Variants in SPTLC1 observed in about 807,000 individuals in gnomAD.
SPTLC1 encodes serine palmitoyltransferase long chain base subunit 1.
In SPTLC1, 55 loss-of-function variants were observed where a neutral mutation model predicts 68.9. That is an observed-to-expected ratio of 0.80 (90% CI 0.64 to 1.00). The LOEUF (loss-of-function observed/expected upper bound fraction) is 1.00. SPTLC1 is among the 50% of genes least tolerant of loss of function. The probability of loss-of-function intolerance (pLI) is 0.00; values close to 1 mark genes in which losing one functional copy is unlikely to be tolerated. For synonymous variants in SPTLC1, 197 were observed against 201.6 expected, an observed-to-expected ratio of 0.98 and a Z score of 0.19; for missense variants, 449 against 573.1, an observed-to-expected ratio of 0.78 and a Z score of 2.21.
chr9:92,102,193 C>T (rs1835778836), intron 3 of SPTLC1, among the ~76,000 whole-genome samples: 1 of 152,170 alleles, frequency 6.6e-6, no homozygotes, highest in South Asian at 2.1e-4. Context: ...AGCTACCCAT[C>T]AGAAATTAAA....
intron 5 of SPTLC1, chr9:92,078,970 A>C (rs1437740065): frequency 4.8e-6 from 4 of 839,282 alleles, no homozygotes; most frequent in Non-Finnish European, 4.3e-6. Context: ...CAGAAATGGA[A>C]ACAAGGATGG....
At chr9:92,090,253 T>G (rs961494559) in intron 3 of SPTLC1, among the ~76,000 whole-genome samples, 1 of 151,982 alleles carries the variant, frequency 6.6e-6, no homozygotes, top group African/African-American at 2.4e-5. Flanking sequence ...GGAGTGGGGA[T>G]GGGGAACAAC....
At chr9:92,114,098 C>T (rs1836342163) in intron 1 of SPTLC1, among the ~76,000 whole-genome samples, 1 of 151,096 alleles carries the variant, frequency 6.6e-6, no homozygotes, top group African/African-American at 2.4e-5. Flanking sequence ...ACACAGCAAG[C>T]CCCCGTCTCT....
chr9:92,086,300 T>G (rs1241332318), intron 3 of SPTLC1, among the ~76,000 whole-genome samples: 1 of 152,046 alleles, frequency 6.6e-6, no homozygotes, highest in Non-Finnish European at 1.5e-5. Context: ...GTTAGCTGGT[T>G]ATTTTGCTCG....
At chr9:92,045,938 C>T (rs1226791405) in intron 12 of SPTLC1, 61 bp downstream of exon 12, 1 of 1,486,250 alleles carries the variant, frequency 6.7e-7, no homozygotes, top group East Asian at 2.3e-5. Flanking sequence ...TAAAACTTTC[C>T]ATTAGTTGTT....
chr9:92,104,029 C>T (rs1235457605), intron 3 of SPTLC1, among the ~76,000 whole-genome samples: 2 of 152,164 alleles, frequency 1.3e-5, no homozygotes, highest in Admixed American at 6.5e-5. Context: ...TTGTAGGCAC[C>T]CTCGCTGGGC....
intron 6 of SPTLC1, among the ~76,000 whole-genome samples, chr9:92,064,542 ATAGTT>A (rs1189360020): frequency 2.0e-5 from 3 of 152,232 alleles, no homozygotes; most frequent in African/African-American, 7.2e-5. Context: ...ACTTTGGAAA[ATAGTT>A]TAGGAGTTCC....
intron 6 of SPTLC1, among the ~76,000 whole-genome samples, chr9:92,061,392 T>A (rs1834095906): frequency 6.6e-6 from 1 of 152,150 alleles, no homozygotes; most frequent in Non-Finnish European, 1.5e-5. Flanking sequence ...CAGAATCCTA[T>A]AACCAGCAAA....
At chr9:92,054,112 T>C (rs746539211) in intron 8 of SPTLC1, 36 of 179,164 alleles carry the variant, frequency 2.0e-4, no homozygotes, top group Admixed American at 5.2e-4. Flanking sequence ...AGAAACCTTG[T>C]CTCTACTAAA....
intron 6 of SPTLC1, among the ~76,000 whole-genome samples, chr9:92,061,021 A>G (rs1034905978): frequency 3.3e-5 from 5 of 152,300 alleles, no homozygotes; most frequent in Admixed American, 2.0e-4. Context: ...ATTATAATAA[A>G]AGACGTAACA....
intron 7 of SPTLC1, 127 bp from the exon 8 acceptor site, chr9:92,055,621 C>A: frequency 1.0e-6 from 1 of 968,754 alleles, no homozygotes; most frequent in Non-Finnish European, 1.6e-6. Context: ...GAATTGAAAG[C>A]TCAGTGTTTG....
Position 92,049,382 on chromosome 9 carries a change from C to T in SPTLC1, c.888+578G>A, listed in dbSNP as rs926614603. 1.2e-4 allele frequency among the ~76,000 whole-genome samples: 19 copies of T among 152,098 alleles called. 1 individual carries two copies. Among genetic ancestry groups the T allele is most frequent in the Admixed American group, 6.6e-5 (1 of 15,266 alleles). On this transcript the variant is annotated intron_variant, in intron 9 of 14. Coordinates refer to ENST00000262554, the MANE Select transcript of SPTLC1 (RefSeq NM_006415.4). ...CAGGAGCAAAACCCACTAGGCACTGCGGGCAGTCTGGGTCCATTTCCCTCA... is the reference window on the plus strand; with the variant it reads ...CAGGAGCAAAACCCACTAGGCACTGTGGGCAGTCTGGGTCCATTTCCCTCA...
intron 8 of SPTLC1, 47 bp downstream of exon 8, chr9:92,055,358 G>A (rs1284252097): frequency 6.2e-7 from 1 of 1,611,006 alleles, no homozygotes; most frequent in Admixed American, 1.7e-5. Flanking sequence ...AGGCACATCT[G>A]TCAAATAGTC....
In SPTLC1 at chr9:92,047,693, G is replaced by A; in HGVS notation, c.904C>T (p.Leu302Phe). 2.5e-6 allele frequency: 4 copies of A among 1,612,018 alleles called. No homozygotes were observed. The South Asian group carries it at 4.4e-5, about 18-fold the overall frequency. ...GCATTCTCCATGTTGGCACTGATAAGATCAATATCATCAATCTGCCGGAAA... is the reference window on the plus strand; with the variant it reads ...GCATTCTCCATGTTGGCACTGATAAAATCAATATCATCAATCTGCCGGAAA... ...HYGINIDDID[L>F]ISANMENALA... The change falls in exon 10 of 15, where the codon CTT (leucine) becomes TTT (phenylalanine). Residue 302 changes from leucine (L) to phenylalanine (F), a missense_variant. Leu to Phe is a conservative substitution (Grantham distance 22, BLOSUM62 0). Around this residue, in one of 3 missense-constraint regions of SPTLC1, gnomAD observed 391 missense variants for 472.1 expected, o/e 0.83. Coordinates refer to ENST00000262554, the MANE Select transcript of SPTLC1 (RefSeq NM_006415.4).
intron 12 of SPTLC1, among the ~76,000 whole-genome samples, chr9:92,040,614 C>A: frequency 6.6e-6 from 1 of 151,814 alleles, no homozygotes; most frequent in East Asian, 1.9e-4. Context: ...AAAAATTAGC[C>A]AGGTGTGGTG....
At chr9:92,087,244 G>A (rs185268819) in intron 3 of SPTLC1, among the ~76,000 whole-genome samples, 209 of 152,184 alleles carry the variant, frequency 1.4e-3, no homozygotes, top group African/African-American at 4.7e-3. Context: ...CTCTCAACTC[G>A]TCAAAGTCAT....
chr9:92,067,670 G>T (rs922745217), intron 6 of SPTLC1, among the ~76,000 whole-genome samples: 1 of 152,164 alleles, frequency 6.6e-6, no homozygotes, highest in African/African-American at 2.4e-5. Flanking sequence ...AACGTGAGGT[G>T]GTGACCACAG....
At chr9:92,084,992 T>G (rs1835054234) in intron 3 of SPTLC1, among the ~76,000 whole-genome samples, 5 of 152,054 alleles carry the variant, frequency 3.3e-5, no homozygotes, top group South Asian at 2.1e-4. Context: ...GTCGAGGAAT[T>G]TATCCATTTC....
intron 8 of SPTLC1, chr9:92,055,180 C>G (rs1833842484): frequency 1.0e-6 from 1 of 961,998 alleles, no homozygotes; most frequent in African/African-American, 1.8e-5. Flanking sequence ...GAGCTGTGTT[C>G]ACACCACTGC....
Sources: gnomAD v4.1 joint callset for allele counts (sites outside exome capture counted in the v4.1 genomes callset) on GRCh38, gnomAD v4.1.1 for gene constraint, gnomAD v4.1.1 regional missense constraint, MANE v1.5 for transcripts, NCBI Gene and HGNC (gene_info 2026-07-23, HGNC 2026-07-21) for gene names.